The following FBXO46 variants were observed in gnomAD, a reference collection of about 807,000 sequenced individuals.
FBXO46 encodes F-box only protein 46.
Under a neutral mutation model 30.7 loss-of-function variants are expected in FBXO46, and 13 were observed. The observed-to-expected ratio is 0.42, with a 90% CI of 0.28 to 0.67. The LOEUF (loss-of-function observed/expected upper bound fraction) is 0.67, where lower values mean the gene tolerates loss of function less well. Ranked by LOEUF, FBXO46 falls within the 30% of genes least tolerant of loss-of-function variation. The pLI is 0.21. For missense variants in FBXO46, 754 were observed against 871.5 expected (o/e 0.87, Z 1.70); for synonymous variants, 467 against 385.8 (o/e 1.21, Z -2.47).
At chr19:45,721,090 G>A (rs1054540806) in intron 1 of FBXO46, among the ~76,000 whole-genome samples, 31 of 151,734 alleles carry the variant, frequency 2.0e-4, no homozygotes, top group Admixed American at 5.9e-4. Context: ...GTGGTGGCTC[G>A]CGCCTGTAAT....
rs1968012965 is a variant in FBXO46 at position 45,712,778 on chromosome 19, T to G, written c.718A>C (p.Ser240Arg). The change falls in exon 2 of 2, where the codon AGC (serine) becomes CGC (arginine). Residue 240 changes from serine to arginine, a missense_variant. Around this residue, in one of 5 missense-constraint regions of FBXO46, gnomAD observed 454 missense variants for 426.5 expected, o/e 1.06. Transcript: ENST00000317683. This position sits in a 1 kb window ranked among gnomAD's most constrained non-coding sequence, Gnocchi z 8.8. ...TTGCGGAGGCCCTTGGTGGGAGGGC[T>G]GTCCCTCTGCGCTTCAAAGTGGGCC... is the stretch of plus-strand genomic sequence containing the variant. ...AVAHFEAQRD[S>R]PPTKGLRKEE... 1 of 1,611,080 alleles carries G rather than the reference T, an allele frequency of 6.2e-7. No individual in the cohort carries two copies. The highest frequency in any genetic ancestry group is 8.5e-7 in the Non-Finnish European group (1 of 1,178,586).
Position 45,713,203 on chromosome 19 carries a change from T to A in FBXO46, c.293A>T (p.Lys98Met), listed in dbSNP as rs1247530164. 2.5e-6 allele frequency: 4 copies of A among 1,613,912 alleles called. No homozygotes were observed. Among genetic ancestry groups the A allele is most frequent in the Non-Finnish European group, 3.4e-6 (4 of 1,179,858 alleles). ...GGCCACAAAGAAGGCCACCTTCTCC[T>A]TTGTATTCCCGGGCTTGATGACATA... The part of the protein sequence containing the change: ...TWYVIKPGNT[K>M]EKVAFFVAHQ... The change falls in exon 2 of 2, where the codon AAG (lysine) becomes ATG (methionine). Residue 98 changes from lysine to methionine, a missense_variant. Physicochemically the swap from Lys to Met is moderately conservative, Grantham distance 95. Transcript: ENST00000317683. The surrounding 1 kb of genome is among the most constrained non-coding windows in gnomAD (Gnocchi z 4.7).
At chr19:45,732,700 C>T (rs1222307171), upstream of FBXO46, among the ~76,000 whole-genome samples, 2 of 148,434 alleles carry the variant, frequency 1.3e-5, no homozygotes. Context: ...AAATGATTCT[C>T]CTGCCTCAGC....
chr19:45,720,566 G>C (rs989361014), intron 1 of FBXO46, among the ~76,000 whole-genome samples: 2 of 152,186 alleles, frequency 1.3e-5, no homozygotes, highest in African/African-American at 2.4e-5. Context: ...ACTGTGCCCA[G>C]CCTATCCCAG....
intron 1 of FBXO46, among the ~76,000 whole-genome samples, chr19:45,714,217 A>G (rs921285659): frequency 6.6e-6 from 1 of 151,940 alleles, no homozygotes; most frequent in Non-Finnish European, 1.5e-5. Flanking sequence ...TCCTTTTTCT[A>G]TTTGCTCACT....
intron 1 of FBXO46, among the ~76,000 whole-genome samples, chr19:45,725,080 G>A (rs2146160195): frequency 6.6e-6 from 1 of 152,150 alleles, no homozygotes; most frequent in Admixed American, 6.6e-5. Context: ...AGCTGTGACT[G>A]CACCACTGTA....
In FBXO46 at chr19:45,713,822, G is replaced by A. The variant is rs1341629782; in HGVS notation, c.-78-249C>T. Among the ~76,000 whole-genome samples, 1 of 152,056 alleles carries A rather than the reference G, an allele frequency of 6.6e-6. No individual in the cohort carries two copies. Among genetic ancestry groups the A allele is most frequent in the Non-Finnish European group, 1.5e-5 (1 of 67,994 alleles). On this transcript the variant is annotated intron_variant, in intron 1 of 1. Coordinates refer to ENST00000317683, the MANE Select transcript of FBXO46 (RefSeq NM_001080469.2). This position sits in a 1 kb window ranked among gnomAD's most constrained non-coding sequence, Gnocchi z 4.7. ...ATCTCTACTAAAAATACAAAAATGT[G>A]CTGGGCGTGATAGTCCACGCCTGTA...
chr19:45,712,737 C>T lies in FBXO46; in HGVS notation c.759G>A (p.Gly253=), dbSNP rs752142229. 1 of 1,611,598 alleles carries T rather than the reference C, an allele frequency of 6.2e-7. No individual in the cohort carries two copies. Among genetic ancestry groups the T allele is most frequent in the East Asian group, 2.2e-5 (1 of 44,852 alleles). ...CGATGCGCACCTCCCCAGGGCCTGG[C>T]CCGGGCCGCTCTTCCTTGCGGAGGC... The part of the protein sequence containing the change: ...TKGLRKEERP[G]PGPGEVRIAF... Residue 253 remains glycine (G), a synonymous_variant, in exon 2 of 2, where the codon GGG becomes GGA. Coordinates refer to ENST00000317683, the MANE Select transcript of FBXO46 (RefSeq NM_001080469.2). The surrounding 1 kb of genome is among the most constrained non-coding windows in gnomAD (Gnocchi z 8.8).
intron 1 of FBXO46, among the ~76,000 whole-genome samples, chr19:45,723,803 G>A (rs1009612567): frequency 6.6e-6 from 1 of 152,070 alleles, no homozygotes; most frequent in Admixed American, 6.6e-5. Context: ...GGGACTACAG[G>A]CGTGCGCCAC....
rs1315117371 is a variant in FBXO46 at position 45,711,343 on chromosome 19, A to T, written c.*341T>A. The T allele has an allele frequency of 4.0e-6, 2 of 501,316 alleles. No homozygotes were observed. Among genetic ancestry groups the T allele is most frequent in the Non-Finnish European group, 7.6e-6 (2 of 263,964 alleles). 31.1% of individuals were successfully genotyped at this position (501,316 alleles called of 1,614,324 possible). A position where few individuals can be genotyped will look rare whatever the true frequency, so the allele number is the denominator to read the frequency against. On this transcript the variant is annotated 3_prime_UTR_variant, in exon 2 of 2. Coordinates refer to ENST00000317683, the MANE Select transcript of FBXO46 (RefSeq NM_001080469.2). The stretch of plus-strand genomic sequence containing the variant: ...AATGGGGGGACCCTTAAGTGGTACC[A>T]AAATTAGCTGCCGTCTGCTCCCTGC...
Position 45,711,921 on chromosome 19 carries a change from G to A in FBXO46, c.1575C>T (p.Tyr525=). 1 of 1,613,564 alleles carries A rather than the reference G, an allele frequency of 6.2e-7. No homozygotes were observed. The highest frequency in any genetic ancestry group is 8.5e-7 in the Non-Finnish European group (1 of 1,179,808). ...TDSRWSRDPL[Y]RDDPCKQCRK... is the part of the protein sequence containing the mutation. ...GGCACTGTTTGCACGGATCATCGCGGTAGAGCGGGTCTCGGCTCCAGCGCG... is the reference window on the plus strand; with the variant it reads ...GGCACTGTTTGCACGGATCATCGCGATAGAGCGGGTCTCGGCTCCAGCGCG... Residue 525 remains tyrosine, a synonymous_variant, in exon 2 of 2, where the codon TAC becomes TAT. Transcript: ENST00000317683.
chr19:45,729,856 T>C (rs1248092155), intron 1 of FBXO46, among the ~76,000 whole-genome samples: 2 of 152,160 alleles, frequency 1.3e-5, no homozygotes, highest in Non-Finnish European at 2.9e-5. Context: ...TGTGCCCAGA[T>C]CAGTGCCAGC....
At chr19:45,723,305 G>A (rs1035455371) in intron 1 of FBXO46, among the ~76,000 whole-genome samples, 3 of 151,740 alleles carry the variant, frequency 2.0e-5, no homozygotes, top group African/African-American at 7.3e-5. Flanking sequence ...GCCCAGGAGT[G>A]TGAGGCTGCA....
chr19:45,727,358 G>C (rs951747278), intron 1 of FBXO46, among the ~76,000 whole-genome samples: 7 of 152,082 alleles, frequency 4.6e-5, no homozygotes, highest in African/African-American at 1.4e-4. Flanking sequence ...AGGAGTTCGA[G>C]ACCAGCCTGG....
chr19:45,718,241 C>G (rs1968127553), intron 1 of FBXO46, among the ~76,000 whole-genome samples: 1 of 152,192 alleles, frequency 6.6e-6, no homozygotes, highest in African/African-American at 2.4e-5. Flanking sequence ...GTGATCGTCT[C>G]CACGGTATGG....
Position 45,711,104 on chromosome 19 carries a change from C to A in FBXO46, c.*580G>T, listed in dbSNP as rs535534639. 2.8e-6 allele frequency: 1 copy of A among 356,582 alleles called. No homozygotes were observed. Among genetic ancestry groups the A allele is most frequent in the Non-Finnish European group, 5.5e-6 (1 of 182,708 alleles). The allele number at this position is 356,582 out of a possible 1,614,324, so 22.1% of individuals were successfully genotyped here. ...TGAGGTTAAGGAGAAAACAGTATTT[C>A]CCCCCCACTTCTTTAATAGGCAAAC... On this transcript the variant is annotated 3_prime_UTR_variant, in exon 2 of 2. Coordinates refer to ENST00000317683, the MANE Select transcript of FBXO46 (RefSeq NM_001080469.2).
chr19:45,728,231 A>G (rs1245396795), intron 1 of FBXO46, among the ~76,000 whole-genome samples: 1 of 152,212 alleles, frequency 6.6e-6, no homozygotes, highest in Non-Finnish European at 1.5e-5. Context: ...CAGCCCACAG[A>G]TTGAGTTTGT....
chr19:45,713,404 G>A lies in FBXO46; in HGVS notation c.92C>T (p.Ala31Val). 6.2e-7 allele frequency: 1 copy of A among 1,609,314 alleles called. No individual in the cohort carries two copies. Among genetic ancestry groups the A allele is most frequent in the Admixed American group, 1.7e-5 (1 of 59,836 alleles). ...SQNQPRPPSA[A>V]LKPSACPEPG... is the part of the protein sequence containing the mutation. Reference sequence around the variant, plus strand: ...CTCAGGGCAGGCTGATGGCTTGAGGGCCGCAGAAGGCGGGCGTGGCTGGTT... The same window carrying A: ...CTCAGGGCAGGCTGATGGCTTGAGGACCGCAGAAGGCGGGCGTGGCTGGTT... Residue 31 changes from alanine to valine, a missense_variant, in exon 2 of 2, where the codon GCC becomes GTC. Coordinates refer to ENST00000317683, the MANE Select transcript of FBXO46 (RefSeq NM_001080469.2). The surrounding 1 kb of genome is among the most constrained non-coding windows in gnomAD (Gnocchi z 4.7).
At chr19:45,724,682 G>T (rs1418313275) in intron 1 of FBXO46, among the ~76,000 whole-genome samples, 1 of 152,040 alleles carries the variant, frequency 6.6e-6, no homozygotes, top group East Asian at 1.9e-4. Context: ...CGAGACGGAG[G>T]CCTGCTCGTT....
Sources: gnomAD v4.1 joint callset for allele counts (sites outside exome capture counted in the v4.1 genomes callset) on GRCh38, gnomAD v4.1.1 for gene constraint, gnomAD v4.1.1 regional missense constraint, Gnocchi (gnomAD v3.1) non-coding constraint, MANE v1.5 for transcripts, NCBI Gene and HGNC (gene_info 2026-07-23, HGNC 2026-07-21) for gene names.